The following SKAP1 variants were observed in gnomAD, a reference collection of about 807,000 sequenced individuals.
SKAP1 encodes src kinase-associated phosphoprotein 1.
Under a neutral mutation model 58.5 loss-of-function variants are expected in SKAP1, and 44 were observed. The observed-to-expected ratio is 0.75, with a 90% CI of 0.59 to 0.97. The LOEUF (loss-of-function observed/expected upper bound fraction) is 0.97, where lower values mean the gene tolerates loss of function less well. Among genes scored for constraint, SKAP1 ranks in the 50% least tolerant of loss-of-function variants. The pLI is 0.00. For synonymous variants in SKAP1, 127 were observed against 149.7 expected (o/e 0.85, Z 1.11); for missense variants, 390 against 435.2 (o/e 0.90, Z 0.92).
chr17:48,441,743 C>A, the SKAP1 span, among the ~76,000 whole-genome samples: 31,346 of 152,002 alleles, frequency 0.21, 3,265 homozygotes, highest in Admixed American at 0.22. Context: ...TTTATAGGAA[C>A]CCCAAGAGAA....
intron 2 of SKAP1, among the ~76,000 whole-genome samples, chr17:48,374,250 A>C (rs1451518199): frequency 4.3e-5 from 6 of 140,686 alleles, no homozygotes; most frequent in Non-Finnish European, 9.1e-5. Flanking sequence ...CATGTTGCCC[A>C]GACTGGTCTT....
chr17:48,224,460 T>A (rs900882909), intron 4 of SKAP1, among the ~76,000 whole-genome samples: 1 of 152,214 alleles, frequency 6.6e-6, no homozygotes, highest in African/African-American at 2.4e-5. Context: ...GGAAATGACA[T>A]AATAAAGCCA....
At chr17:48,189,293 C>T (rs573753794) in intron 5 of SKAP1, 130 bp downstream of exon 5, 8 of 689,900 alleles carry the variant, frequency 1.2e-5, no homozygotes, top group Non-Finnish European at 1.9e-5. Context: ...CCTTTCCTTG[C>T]TTTGCTTTTG....
chr17:48,284,576 AAAGC>A (rs143341643), intron 4 of SKAP1, among the ~76,000 whole-genome samples: 3,719 of 152,308 alleles, frequency 0.024, 139 homozygotes, highest in African/African-American at 0.083. Context: ...CAGCTTCCAA[AAAGC>A]ACAGTTGGCA....
intron 4 of SKAP1, among the ~76,000 whole-genome samples, chr17:48,226,280 G>C (rs1334943724): frequency 1.3e-5 from 2 of 152,108 alleles, no homozygotes; most frequent in Admixed American, 1.3e-4. Context: ...GAAAGAATAA[G>C]AGAAGGGAGT....
Position 48,384,414 on chromosome 17 carries a change from G to C in SKAP1, c.152+12266C>G, listed in dbSNP as rs187799232. Among the ~76,000 whole-genome samples, 14 of 152,264 alleles carry C rather than the reference G, an allele frequency of 9.2e-5. No homozygotes were observed. In the East Asian group the frequency reaches 2.7e-3, roughly 29 times the overall value. On this transcript the variant is annotated intron_variant, in intron 2 of 12. Transcript: ENST00000336915. ...GCCACAAATAACAGAAAACCTGACT[G>C]ACAAGGGCCTAAACAAGTGGAAGTT...
intron 11 of SKAP1, among the ~76,000 whole-genome samples, chr17:48,144,209 C>T (rs1463351754): frequency 6.6e-6 from 1 of 152,110 alleles, no homozygotes; most frequent in Non-Finnish European, 1.5e-5. Context: ...CCTACAGGTC[C>T]CGGGATCTGA....
In SKAP1 at chr17:48,173,959, T is replaced by G. The variant is rs114762736; in HGVS notation, c.827-3300A>C. 8.7e-3 allele frequency among the ~76,000 whole-genome samples: 1,326 copies of G among 152,306 alleles called. 26 individuals are homozygous for G. Among genetic ancestry groups the G allele is most frequent in the African/African-American group, 0.03 (1,258 of 41,562 alleles). On this transcript the variant is annotated intron_variant, in intron 9 of 12. Transcript: ENST00000336915. ...GTGGCTTGCCTGCTCTTTGCATTTG[T>G]AAAATAGGAGAATGTAAATGTATTT...
chr17:48,205,932 T>G (rs1000150588), intron 4 of SKAP1, among the ~76,000 whole-genome samples: 1 of 150,700 alleles, frequency 6.6e-6, no homozygotes, highest in Non-Finnish European at 1.5e-5. Flanking sequence ...AATGAGGGAG[T>G]CCACCAAGAA....
chr17:48,194,216 A>T (rs1234872693), intron 4 of SKAP1, among the ~76,000 whole-genome samples: 1 of 152,202 alleles, frequency 6.6e-6, no homozygotes. Context: ...CCCAGAAGTG[A>T]TGGCCACCCA....
intron 7 of SKAP1, among the ~76,000 whole-genome samples, chr17:48,182,963 C>T (rs961204855): frequency 6.6e-5 from 10 of 152,106 alleles, no homozygotes; most frequent in African/African-American, 2.4e-4. Context: ...TTTAGGTAGG[C>T]AGGCCTATGT....
chr17:48,158,567 CAAAAAAAA>C (rs1171183021), intron 11 of SKAP1, among the ~76,000 whole-genome samples: 3 of 61,512 alleles, frequency 4.9e-5, no homozygotes, highest in South Asian at 2.0e-3. Flanking sequence ...GACTCTGTCT[CAAAAAAAA>C]AAAAAAAAAG....
chr17:48,358,386 C>T (rs1391317237), intron 3 of SKAP1, among the ~76,000 whole-genome samples: 1 of 152,066 alleles, frequency 6.6e-6, no homozygotes, highest in Non-Finnish European at 1.5e-5. Flanking sequence ...GATGGTGTTT[C>T]TTTGCTGCTT....
At chr17:48,326,240 G>T (rs936591234) in intron 4 of SKAP1, among the ~76,000 whole-genome samples, 1 of 152,242 alleles carries the variant, frequency 6.6e-6, no homozygotes, top group South Asian at 2.1e-4. Context: ...TCCATAAATG[G>T]GGGAAATGCA....
the SKAP1 span, among the ~76,000 whole-genome samples, chr17:48,438,099 A>G: frequency 1.3e-5 from 2 of 152,190 alleles, no homozygotes; most frequent in Admixed American, 1.3e-4. Flanking sequence ...GTGATAGAGT[A>G]TAGAATGTAG....
At chr17:48,409,477 C>T (rs907505048) in intron 1 of SKAP1, among the ~76,000 whole-genome samples, 1 of 152,076 alleles carries the variant, frequency 6.6e-6, no homozygotes, top group African/African-American at 2.4e-5. Context: ...CCAGCCTGGG[C>T]ATCATGGTGA....
intron 4 of SKAP1, among the ~76,000 whole-genome samples, chr17:48,199,057 C>T (rs1018322719): frequency 2.0e-5 from 3 of 152,064 alleles, no homozygotes; most frequent in Admixed American, 6.6e-5. Flanking sequence ...AAACGAATGA[C>T]GAAATGTCAT....
intron 11 of SKAP1, among the ~76,000 whole-genome samples, chr17:48,142,210 C>CT (rs397726121): frequency 1.2e-4 from 4 of 32,206 alleles, no homozygotes; most frequent in Non-Finnish European, 3.7e-4. Flanking sequence ...CACCTGTAAT[C>CT]CAGCACTTTG....
At chr17:48,230,726 C>A (rs1248560029) in intron 4 of SKAP1, among the ~76,000 whole-genome samples, 1 of 152,094 alleles carries the variant, frequency 6.6e-6, no homozygotes, top group Admixed American at 6.6e-5. Flanking sequence ...CACTGCACTG[C>A]AGCTTGGGTG....
Sources: gnomAD v4.1 joint callset for allele counts (sites outside exome capture counted in the v4.1 genomes callset) on GRCh38, gnomAD v4.1.1 for gene constraint, MANE v1.5 for transcripts, NCBI Gene and HGNC (gene_info 2026-07-23, HGNC 2026-07-21) for gene names.